Variants in TRIM75 observed in about 807,000 individuals in gnomAD.
TRIM75 encodes tripartite motif-containing protein 75.
the TRIM75 span, chr4:165,060,428 T>C: frequency 1.1e-4 from 89 of 780,718 alleles, no homozygotes; most frequent in Non-Finnish European, 2.0e-4. Flanking sequence ...TCTCATTCTA[T>C]AACATGGCTG....
chr4:165,059,194 G>GCTC, the TRIM75 span: 1 of 780,012 alleles, frequency 1.3e-6, no homozygotes, highest in Non-Finnish European at 2.4e-6. Flanking sequence ...GAAGCTAAGT[G>GCTC]CTCCATCTGT....
chr4:165,056,864 G>T, the TRIM75 span, among the ~76,000 whole-genome samples: 2 of 152,058 alleles, frequency 1.3e-5, no homozygotes, highest in Middle Eastern at 3.4e-3. Context: ...TCATCTGCCC[G>T]CCTTGGCCTC....
chr4:165,060,489 C>T, the TRIM75 span: 1 of 779,430 alleles, frequency 1.3e-6, no homozygotes, highest in Middle Eastern at 2.3e-4. Flanking sequence ...GCCTCTTCGG[C>T]CTTATTTCTA....
the TRIM75 span, among the ~76,000 whole-genome samples, chr4:165,056,052 A>G: frequency 6.7e-6 from 1 of 150,326 alleles, no homozygotes. Flanking sequence ...AGTAGCTGGG[A>G]CTACAGGCAT....
the TRIM75 span, among the ~76,000 whole-genome samples, chr4:165,057,617 GC>G: frequency 2.0e-5 from 3 of 151,820 alleles, no homozygotes; most frequent in East Asian, 5.8e-4. Context: ...CACTGCAACC[GC>G]CGCCTCCTGG....
chr4:165,056,405 A>G, the TRIM75 span, among the ~76,000 whole-genome samples: 1 of 151,858 alleles, frequency 6.6e-6, no homozygotes, highest in Non-Finnish European at 1.5e-5. Flanking sequence ...TGTCTTCAGG[A>G]CTGTCCCTTC....
At chr4:165,060,295 A>C in the TRIM75 span, 1 of 780,916 alleles carries the variant, frequency 1.3e-6, no homozygotes, top group East Asian at 2.4e-5. Context: ...GCCCAGCAGG[A>C]ATGTTGGAGA....
the TRIM75 span, among the ~76,000 whole-genome samples, chr4:165,056,657 C>T: frequency 2.2e-5 from 3 of 135,138 alleles, no homozygotes; most frequent in Admixed American, 8.2e-5. Flanking sequence ...CTCTGTTGCC[C>T]AGGCTGGTGT....
chr4:165,055,170 T>G, the TRIM75 span, among the ~76,000 whole-genome samples: 1 of 152,034 alleles, frequency 6.6e-6, no homozygotes, highest in Non-Finnish European at 1.5e-5. Flanking sequence ...AAATGGGGTC[T>G]CACTCTGCCC....
At chr4:165,056,715 A>T in the TRIM75 span, among the ~76,000 whole-genome samples, 1 of 146,594 alleles carries the variant, frequency 6.8e-6, no homozygotes, top group Non-Finnish European at 1.5e-5. Context: ...CCCAGGTTCA[A>T]GCCATTCTCT....
the TRIM75 span, among the ~76,000 whole-genome samples, chr4:165,054,291 A>T: frequency 1.6e-5 from 2 of 126,824 alleles, no homozygotes; most frequent in African/African-American, 5.8e-5. Flanking sequence ...TTTTTTTGAG[A>T]CAGAGTCTTG....
At chr4:165,056,602 C>CTGTCTCTTT in the TRIM75 span, among the ~76,000 whole-genome samples, 2 of 69,960 alleles carry the variant, frequency 2.9e-5, no homozygotes, top group African/African-American at 8.9e-5. Flanking sequence ...GTCTCTGTCT[C>CTGTCTCTTT]TTTTTTTTTT....
the TRIM75 span, among the ~76,000 whole-genome samples, chr4:165,057,027 C>T: frequency 6.6e-6 from 1 of 151,974 alleles, no homozygotes; most frequent in Non-Finnish European, 1.5e-5. Flanking sequence ...AGGAAGATGC[C>T]CGCTTTTTTT....
chr4:165,056,246 C>A, the TRIM75 span, among the ~76,000 whole-genome samples: 3 of 151,674 alleles, frequency 2.0e-5, no homozygotes, highest in East Asian at 5.8e-4. Context: ...TCAGCCTGGG[C>A]AATACAGCAA....
At chr4:165,054,244 C>T in the TRIM75 span, among the ~76,000 whole-genome samples, 1 of 150,250 alleles carries the variant, frequency 6.7e-6, no homozygotes, top group Non-Finnish European at 1.5e-5. Flanking sequence ...AGGCACTCTC[C>T]ACCAGTCAGG....
chr4:165,060,508 C>G, the TRIM75 span: 91 of 777,926 alleles, frequency 1.2e-4, 3 homozygotes, highest in South Asian at 1.2e-3. Context: ...TATGTAGGAC[C>G]AGATTCACAA....
the TRIM75 span, among the ~76,000 whole-genome samples, chr4:165,056,602 CTTTTTTTTT>C: frequency 9.6e-4 from 67 of 69,988 alleles, no homozygotes; most frequent in South Asian, 0.011. Flanking sequence ...GTCTCTGTCT[CTTTTTTTTT>C]TTTTTTTTTT....
the TRIM75 span, among the ~76,000 whole-genome samples, chr4:165,057,884 T>C: frequency 3.9e-5 from 6 of 152,352 alleles, no homozygotes; most frequent in East Asian, 1.2e-3. Flanking sequence ...TAACTGTTGC[T>C]TCTATGCTCG....
At chr4:165,054,460 G>T in the TRIM75 span, among the ~76,000 whole-genome samples, 5 of 152,050 alleles carry the variant, frequency 3.3e-5, no homozygotes, top group Non-Finnish European at 5.9e-5. Flanking sequence ...GTAGAAACAG[G>T]GTTTCACCAT....
Sources: allele counts gnomAD v4.1 joint callset (sites outside exome capture counted in the v4.1 genomes callset), GRCh38; gene constraint gnomAD v4.1.1; transcripts MANE v1.5; gene names NCBI Gene and HGNC (gene_info 2026-07-23, HGNC 2026-07-21).